FHOD3: variants seen among roughly 807,000 people sequenced by gnomAD.
FHOD3 encodes the protein FH1/FH2 domain-containing protein 3.
Under a neutral mutation model 173.0 loss-of-function variants are expected in FHOD3, and 90 were observed. The ratio of observed to expected loss-of-function variants is 0.52; its 90% CI spans 0.44 to 0.62. FHOD3 has a LOEUF of 0.62. Among genes scored for constraint, FHOD3 ranks in the 20% least tolerant of loss-of-function variants. FHOD3 has a pLI of 0.00. For synonymous variants in FHOD3, 828 were observed against 823.0 expected (o/e 1.01, Z -0.10); for missense variants, 1,945 against 2,034.7 (o/e 0.96, Z 0.85).
chr18:36,556,501 A>T (rs1219396759), intron 5 of FHOD3, among the ~76,000 whole-genome samples: 1 of 152,202 alleles, frequency 6.6e-6, no homozygotes, highest in African/African-American at 2.4e-5. Flanking sequence ...GATACTAGAC[A>T]CAACTGTTTT....
intron 6 of FHOD3, among the ~76,000 whole-genome samples, chr18:36,581,046 A>G (rs571640358): frequency 6.6e-6 from 1 of 152,384 alleles, no homozygotes; most frequent in South Asian, 2.1e-4. Context: ...CCAGAGGCTC[A>G]TTATGCAATG....
At chr18:36,461,049 G>A (rs1304648413) in intron 3 of FHOD3, among the ~76,000 whole-genome samples, 1 of 152,130 alleles carries the variant, frequency 6.6e-6, no homozygotes, top group Non-Finnish European at 1.5e-5. Flanking sequence ...TGAGGGTTGA[G>A]AGGGAGGGAC....
At chr18:36,773,660 G>C (rs899065150) in intron 28 of FHOD3, among the ~76,000 whole-genome samples, 1 of 152,174 alleles carries the variant, frequency 6.6e-6, no homozygotes, top group African/African-American at 2.4e-5. Context: ...TCCAGGCTGT[G>C]TCTCACTGCT....
At chr18:36,494,417 G>C (rs1232314037) in intron 3 of FHOD3, among the ~76,000 whole-genome samples, 1 of 152,178 alleles carries the variant, frequency 6.6e-6, no homozygotes, top group African/African-American at 2.4e-5. Flanking sequence ...CACAAATAAT[G>C]TTCTGATTAC....
chr18:36,476,564 C>T (rs941449777), intron 3 of FHOD3, among the ~76,000 whole-genome samples: 3 of 152,206 alleles, frequency 2.0e-5, no homozygotes, highest in African/African-American at 2.4e-5. Context: ...AGGAAAGGGC[C>T]GTAGGATACT....
At chr18:36,693,020 G>T in intron 16 of FHOD3, 189 bp from the exon 17 acceptor site, 1 of 616,384 alleles carries the variant, frequency 1.6e-6, no homozygotes, top group African/African-American at 1.8e-5. Context: ...TATGAGTGAC[G>T]TGGGATTTTT....
At chr18:36,380,208 A>G (rs1227456337) in intron 3 of FHOD3, among the ~76,000 whole-genome samples, 2 of 152,234 alleles carry the variant, frequency 1.3e-5, no homozygotes, top group Non-Finnish European at 2.9e-5. Context: ...TAATAGCAAC[A>G]GAATAAGAAG....
intron 18 of FHOD3, 72 bp downstream of exon 18, chr18:36,709,463 G>C: frequency 6.7e-7 from 1 of 1,500,028 alleles, no homozygotes; most frequent in Non-Finnish European, 9.0e-7. Context: ...TTCTCTAAGA[G>C]CTTGTCCACA....
intron 3 of FHOD3, among the ~76,000 whole-genome samples, chr18:36,489,428 G>A (rs557907015): frequency 1.1e-4 from 16 of 152,290 alleles, no homozygotes; most frequent in African/African-American, 3.4e-4. Context: ...CAGGATGGGT[G>A]CAGTGGCTCA....
intron 14 of FHOD3, among the ~76,000 whole-genome samples, chr18:36,658,976 A>G (rs1451419028): frequency 6.6e-6 from 1 of 152,174 alleles, no homozygotes; most frequent in Non-Finnish European, 1.5e-5. Context: ...GGAAGCTGTT[A>G]GTGTAGGAGA....
At chr18:36,384,411 C>T (rs2047929858) in intron 3 of FHOD3, among the ~76,000 whole-genome samples, 1 of 151,330 alleles carries the variant, frequency 6.6e-6, no homozygotes, top group South Asian at 2.1e-4. Flanking sequence ...CAAAAAACAC[C>T]TCACACAAAA....
At chr18:36,482,858 C>CACACACACACAGAGAGAGAGAGAGAG (rs1400178557) in intron 3 of FHOD3, among the ~76,000 whole-genome samples, 8 of 130,454 alleles carry the variant, frequency 6.1e-5, no homozygotes, top group African/African-American at 2.5e-4. Flanking sequence ...CACACACACA[C>CACACACACACAGAGAGAGAGAGAGAG]AGAGAGAGAG....
Position 36,748,611 on chromosome 18 carries a change from C to T in FHOD3, c.4232+1476C>T, listed in dbSNP as rs73949887. Among the ~76,000 whole-genome samples, 574 of 152,176 alleles carry T rather than the reference C, an allele frequency of 3.8e-3. 4 individuals carry two copies. Among genetic ancestry groups the T allele is most frequent in the African/African-American group, 0.013 (550 of 41,510 alleles). ...ATCCCATTCTCCTTGGTAAGCTGGT[C>T]ACCCAGATGATGGCTGCTCCCGCCT... On this transcript the variant is annotated intron_variant, in intron 24 of 28. Coordinates refer to ENST00000590592, the MANE Select transcript of FHOD3 (RefSeq NM_001281740.3).
intron 3 of FHOD3, among the ~76,000 whole-genome samples, chr18:36,499,545 GTAT>G (rs2054920680): frequency 6.6e-6 from 1 of 152,190 alleles, no homozygotes; most frequent in Non-Finnish European, 1.5e-5. Context: ...ATTAGAAGTA[GTAT>G]TAGCAAAAAA....
chr18:36,377,479 A>C (rs1197859624), intron 3 of FHOD3, among the ~76,000 whole-genome samples: 1 of 152,164 alleles, frequency 6.6e-6, no homozygotes, highest in East Asian at 1.9e-4. Flanking sequence ...GCTCTGTGTC[A>C]GTTTGGAATT....
In FHOD3 at chr18:36,536,175, G is replaced by T. The variant is rs557654883; in HGVS notation, c.511+23632G>T. On this transcript the variant is annotated intron_variant, in intron 5 of 28. Coordinates refer to ENST00000590592, the MANE Select transcript of FHOD3 (RefSeq NM_001281740.3). ...AAGTTATGAATCAGATTTGGCTTAT[G>T]GGCTGTGGTTTACCAACCCTTGATT... 3.2e-3 allele frequency among the ~76,000 whole-genome samples: 486 copies of T among 152,274 alleles called. 3 individuals carry two copies. The highest frequency in any genetic ancestry group is 5.7e-3 in the Non-Finnish European group (389 of 68,020).
At chr18:36,415,834 T>C (rs1293958678) in intron 3 of FHOD3, among the ~76,000 whole-genome samples, 2 of 152,172 alleles carry the variant, frequency 1.3e-5, no homozygotes, top group African/African-American at 4.8e-5. Flanking sequence ...AAGGGTGGCA[T>C]TTTTCCTTTC....
At chr18:36,605,319 T>C (rs1185400544) in intron 8 of FHOD3, among the ~76,000 whole-genome samples, 2 of 152,218 alleles carry the variant, frequency 1.3e-5, no homozygotes, top group Admixed American at 6.5e-5. Flanking sequence ...GCTATTCTTA[T>C]GATCATAGCA....
intron 27 of FHOD3, among the ~76,000 whole-genome samples, chr18:36,763,622 A>G: frequency 6.8e-6 from 1 of 147,404 alleles, no homozygotes; most frequent in African/African-American, 2.5e-5. Flanking sequence ...TGTGTATTAT[A>G]CACGTTATAT....
Sources: gnomAD v4.1 joint callset for allele counts (sites outside exome capture counted in the v4.1 genomes callset) on GRCh38, gnomAD v4.1.1 for gene constraint, MANE v1.5 for transcripts, NCBI Gene and HGNC (gene_info 2026-07-23, HGNC 2026-07-21) for gene names.